Variants in EYA2 observed in about 807,000 individuals in gnomAD.
The protein encoded by EYA2 is protein phosphatase EYA2.
A neutral mutation model predicts 69.2 loss-of-function variants in EYA2; 31 were observed. The ratio of observed to expected loss-of-function variants is 0.45; its 90% confidence interval spans 0.34 to 0.60. EYA2 has a LOEUF of 0.60. Ranked by LOEUF, EYA2 falls within the 20% of genes least tolerant of loss-of-function variation. EYA2 has a pLI of 0.02. For missense variants in EYA2, 622 were observed against 701.2 expected (o/e 0.89, Z 1.28); for synonymous variants, 257 against 279.4 (o/e 0.92, Z 0.80).
intron 8 of EYA2, among the ~76,000 whole-genome samples, chr20:47,092,538 A>G (rs2032116501): frequency 6.6e-6 from 1 of 152,188 alleles, no homozygotes; most frequent in Non-Finnish European, 1.5e-5. Context: ...AGAGCCACAC[A>G]TACATAATAT....
At chr20:47,004,424 A>T (rs1002875128) in intron 3 of EYA2, among the ~76,000 whole-genome samples, 7 of 152,228 alleles carry the variant, frequency 4.6e-5, no homozygotes, top group African/African-American at 1.7e-4. Context: ...GGGGTAGGAT[A>T]GGCTATGCTA....
intron 4 of EYA2, among the ~76,000 whole-genome samples, chr20:47,010,571 G>C (rs1292545390): frequency 2.0e-5 from 3 of 151,936 alleles, no homozygotes; most frequent in Non-Finnish European, 4.4e-5. Flanking sequence ...CGAGGCTGCA[G>C]TGAACTGTGA....
intron 5 of EYA2, among the ~76,000 whole-genome samples, chr20:47,063,893 C>T (rs2031007020): frequency 6.6e-6 from 1 of 152,148 alleles, no homozygotes; most frequent in Non-Finnish European, 1.5e-5. Flanking sequence ...CATTGCTTTG[C>T]TTTTTTGTGC....
chr20:46,918,156 T>A (rs535013973), intron 1 of EYA2, among the ~76,000 whole-genome samples: 3 of 151,712 alleles, frequency 2.0e-5, no homozygotes, highest in African/African-American at 7.2e-5. Flanking sequence ...CCATCTCTAC[T>A]AAAAAATACA....
At chr20:46,969,219 GTTTT>G (rs796971465) in intron 1 of EYA2, among the ~76,000 whole-genome samples, 15 of 150,492 alleles carry the variant, frequency 1.0e-4, no homozygotes, top group East Asian at 2.0e-4. Context: ...TTTGTTTTTG[GTTTT>G]TTTTTTGTTT....
At chr20:47,158,919 A>G (rs1228719946) in intron 10 of EYA2, among the ~76,000 whole-genome samples, 2 of 152,024 alleles carry the variant, frequency 1.3e-5, no homozygotes, top group African/African-American at 4.8e-5. Context: ...TAAAAAGGAG[A>G]GCAAAATAAA....
intron 9 of EYA2, among the ~76,000 whole-genome samples, chr20:47,119,669 G>A (rs772593833): frequency 1.6e-4 from 25 of 152,304 alleles, no homozygotes; most frequent in Non-Finnish European, 2.2e-4. Flanking sequence ...TGGGGAATGG[G>A]GAGTAAGTGC....
At chr20:47,040,521 A>G (rs1389442530) in intron 5 of EYA2, among the ~76,000 whole-genome samples, 1 of 152,222 alleles carries the variant, frequency 6.6e-6, no homozygotes, top group Non-Finnish European at 1.5e-5. Flanking sequence ...GGGGCTCAGC[A>G]CGGGGCCAGC....
intron 1 of EYA2, among the ~76,000 whole-genome samples, chr20:46,988,553 C>T (rs6090592): frequency 0.037 from 5,650 of 152,258 alleles, 135 homozygotes; most frequent in African/African-American, 0.062. Context: ...ATGATAACGA[C>T]GTGCTCACAA....
At chr20:47,115,469 C>G (rs2032863279) in intron 9 of EYA2, among the ~76,000 whole-genome samples, 2 of 152,164 alleles carry the variant, frequency 1.3e-5, no homozygotes, top group African/African-American at 4.8e-5. Context: ...TAACACAGTT[C>G]AGAAGTTACT....
intron 1 of EYA2, among the ~76,000 whole-genome samples, chr20:46,941,038 C>T (rs1986134287): frequency 6.6e-6 from 1 of 152,212 alleles, no homozygotes; most frequent in Non-Finnish European, 1.5e-5. Context: ...GTGCAAGAGG[C>T]CCCATCTTCC....
intron 2 of EYA2, 53 bp from the exon 3 acceptor site, chr20:47,001,375 A>C (rs760423317): frequency 3.2e-6 from 5 of 1,540,282 alleles, no homozygotes; most frequent in African/African-American, 2.7e-5. Flanking sequence ...CCACCTCTGC[A>C]GAACATCACC....
intron 1 of EYA2, among the ~76,000 whole-genome samples, chr20:46,984,204 A>G (rs574952081): frequency 5.4e-4 from 83 of 152,344 alleles, no homozygotes; most frequent in African/African-American, 1.9e-3. Flanking sequence ...GAATAGAGAA[A>G]GGATTTTTAC....
At chr20:46,961,232 A>G (rs73305644) in intron 1 of EYA2, among the ~76,000 whole-genome samples, 3,517 of 152,256 alleles carry the variant, frequency 0.023, 134 homozygotes, top group African/African-American at 0.077. Flanking sequence ...AGACTGAGGT[A>G]GGAGAATCAC....
intron 1 of EYA2, among the ~76,000 whole-genome samples, chr20:46,965,482 G>T (rs993782272): frequency 6.6e-6 from 1 of 152,240 alleles, no homozygotes. Context: ...AAGGTGGGGG[G>T]TTGGAGGGAA....
chr20:47,051,834 G>A (rs1372857620), intron 5 of EYA2, among the ~76,000 whole-genome samples: 2 of 152,174 alleles, frequency 1.3e-5, no homozygotes, highest in Non-Finnish European at 2.9e-5. Flanking sequence ...AGGAGTCACC[G>A]ACCTTGCTCT....
intron 15 of EYA2, 56 bp from the exon 16 acceptor site, chr20:47,187,996 TG>T: frequency 1.3e-6 from 2 of 1,536,632 alleles, no homozygotes; most frequent in South Asian, 1.2e-5. Flanking sequence ...ACCACAGGCG[TG>T]GAACCCGGGG....
At chr20:47,000,683 C>T (rs764559316) in intron 2 of EYA2, among the ~76,000 whole-genome samples, 4 of 152,184 alleles carry the variant, frequency 2.6e-5, no homozygotes, top group African/African-American at 4.8e-5. Context: ...GTCACCTTTT[C>T]GTCACCCCCT....
At chr20:46,937,522 T>G (rs1452233427) in intron 1 of EYA2, among the ~76,000 whole-genome samples, 1 of 152,252 alleles carries the variant, frequency 6.6e-6, no homozygotes, top group Non-Finnish European at 1.5e-5. Context: ...GCGGCGATTT[T>G]CTGCCTGGCA....
Sources: allele counts gnomAD v4.1 joint callset (sites outside exome capture counted in the v4.1 genomes callset), GRCh38; gene constraint gnomAD v4.1.1; transcripts MANE v1.5; gene names NCBI Gene and HGNC (gene_info 2026-07-23, HGNC 2026-07-21).